Variants in SCML4 observed in about 807,000 individuals in gnomAD.
SCML4 encodes the protein sex comb on midleg-like protein 4.
In SCML4, 34 loss-of-function variants were observed where a neutral mutation model predicts 41.1. That is an observed-to-expected ratio of 0.83 (90% CI 0.63 to 1.10). The LOEUF is 1.10. SCML4 is among the 50% of genes least tolerant of loss of function. The pLI, the probability that SCML4 is intolerant of heterozygous loss-of-function variation, is 0.00. For synonymous variants in SCML4, 214 were observed against 220.9 expected (o/e 0.97, Z 0.28); for missense variants, 522 against 534.1 (o/e 0.98, Z 0.22).
the SCML4 span, among the ~76,000 whole-genome samples, chr6:107,839,385 G>C: frequency 1.3e-4 from 18 of 141,514 alleles, no homozygotes; most frequent in African/African-American, 4.7e-4. Flanking sequence ...AAGAAAGAAA[G>C]AAAGAAAGAA....
At chr6:107,731,032 C>A (rs1016677654) in intron 5 of SCML4, among the ~76,000 whole-genome samples, 3 of 152,132 alleles carry the variant, frequency 2.0e-5, no homozygotes, top group Non-Finnish European at 2.9e-5. Context: ...CCAGGTGCAG[C>A]CCATTTCTGC....
chr6:107,778,223 ATATATATATATATATATATATAT>A lies in SCML4; in HGVS notation c.-59-5860_-59-5838del, dbSNP rs1781179702. On this transcript the variant is annotated intron_variant, in intron 1 of 7. Coordinates refer to ENST00000369020, the MANE Select transcript of SCML4 (RefSeq NM_198081.5). Reference sequence around the variant, plus strand: ...AAAAAAAAAAAAAAAAAAAAAAAAAATATATATATATATATATATATATATATATATATATATATATAACTTGA... The same window carrying A: ...AAAAAAAAAAAAAAAAAAAAAAAAAAATATATATATATATATATAACTTGA... Among the ~76,000 whole-genome samples, 8 of 3,142 alleles carry A rather than the reference ATATATATATATATATATATATAT, an allele frequency of 2.5e-3. 1 individual carries two copies. Among genetic ancestry groups the A allele is most frequent in the African/African-American group, 4.0e-3 (7 of 1,754 alleles). 2.1% of individuals were successfully genotyped at this position (3,142 alleles called of 152,430 possible).
intron 6 of SCML4, chr6:107,720,167 C>G: frequency 1.1e-6 from 1 of 934,880 alleles, no homozygotes; most frequent in Non-Finnish European, 1.3e-6. Context: ...CAGAGCTAAC[C>G]TACAGCTTCC....
chr6:107,791,652 CTTTAAAG>C (rs1224015320), intron 1 of SCML4, among the ~76,000 whole-genome samples: 1 of 152,152 alleles, frequency 6.6e-6, no homozygotes, highest in Admixed American at 6.5e-5. Flanking sequence ...AATTACTGTA[CTTTAAAG>C]TTTAAGGCTT....
chr6:107,815,310 G>A (rs1258424179), intron 1 of SCML4, among the ~76,000 whole-genome samples: 1 of 152,164 alleles, frequency 6.6e-6, no homozygotes, highest in Non-Finnish European at 1.5e-5. Context: ...GTCCCTCAGT[G>A]GATGGAGCAG....
chr6:107,838,183 C>G, the SCML4 span, among the ~76,000 whole-genome samples: 1 of 152,174 alleles, frequency 6.6e-6, no homozygotes, highest in Admixed American at 6.5e-5. Flanking sequence ...TCTGGGATTA[C>G]AGGTGTGAGC....
intron 2 of SCML4, among the ~76,000 whole-genome samples, chr6:107,756,679 T>C (rs894525349): frequency 2.6e-5 from 4 of 152,132 alleles, no homozygotes; most frequent in African/African-American, 9.7e-5. Context: ...ATATGAGATG[T>C]TAAAAATGGG....
chr6:107,736,325 A>G (rs940063170), intron 5 of SCML4, among the ~76,000 whole-genome samples: 1 of 152,230 alleles, frequency 6.6e-6, no homozygotes, highest in Non-Finnish European at 1.5e-5. Context: ...GTGGACATCT[A>G]TTGTGTGCAG....
intron 1 of SCML4, among the ~76,000 whole-genome samples, chr6:107,804,067 GAA>G (rs55853946): frequency 3.0e-3 from 386 of 127,324 alleles, no homozygotes; most frequent in East Asian, 0.012. Flanking sequence ...AAAAGAAAAA[GAA>G]AAAAAAAAAA....
chr6:107,833,744 A>G, the SCML4 span, among the ~76,000 whole-genome samples: 1 of 152,218 alleles, frequency 6.6e-6, no homozygotes, highest in Non-Finnish European at 1.5e-5. Flanking sequence ...AGCAAAACCT[A>G]AAAATTAGAA....
intron 1 of SCML4, among the ~76,000 whole-genome samples, chr6:107,820,669 C>A (rs2114310256): frequency 6.6e-6 from 1 of 152,222 alleles, no homozygotes; most frequent in African/African-American, 2.4e-5. Flanking sequence ...ACGAGTGCAA[C>A]AATGAAAAAC....
chr6:107,720,921 G>A lies in SCML4; in HGVS notation c.755C>T (p.Ala252Val), dbSNP rs760782389. The A allele has an allele frequency of 1.2e-6, 2 of 1,614,202 alleles. No homozygotes were observed. The highest frequency in any genetic ancestry group is 4.5e-5 in the East Asian group (2 of 44,888). Reference protein sequence around the residue: ...GMNRYSVDTSASTFNHRGSLH... With the variant: ...GMNRYSVDTSVSTFNHRGSLH... ...GGAGCCCCTGTGGTTAAAGGTGGAG[G>A]CGGAGGTGTCCACGCTGTAGCGGTT... is the stretch of plus-strand genomic sequence containing the variant. The change falls in exon 6 of 8, where the codon GCC (alanine) becomes GTC (valine). Residue 252 changes from alanine (A) to valine (V), a missense_variant. Transcript: ENST00000369020.
rs1437084685 is a variant in SCML4 at position 107,801,954 on chromosome 6, G to A, written c.-60+22172C>T. On this transcript the variant is annotated intron_variant, in intron 1 of 7. Transcript: ENST00000369020. The stretch of plus-strand genomic sequence containing the variant: ...TAATTTTTTTTTTTTTGTATTTTTA[G>A]TAGAGACAGGGTTTCACCATGTTAG... Among the ~76,000 whole-genome samples the A allele has an allele frequency of 2.7e-5, 4 of 150,308 alleles. No homozygotes were observed. The South Asian group carries it at 8.4e-4, about 32-fold the overall frequency.
rs143233421 is a variant in SCML4, at chr6:107,720,439, A to G, written c.973+264T>C. On this transcript the variant is annotated intron_variant, in intron 6 of 7. Transcript: ENST00000369020. ...CTTTGGCTCTCGAACAAAAATTTCT[A>G]TGGTATTTGAGCCTGTGTACATTTT... The G allele has an allele frequency of 3.5e-6, 4 of 1,142,088 alleles. No homozygotes were observed. The African/African-American group carries it at 4.8e-5, about 14-fold the overall frequency. 70.7% of individuals were successfully genotyped at this position (1,142,088 alleles called of 1,614,324 possible).
At chr6:107,717,327 A>C (rs1774939656) in intron 6 of SCML4, among the ~76,000 whole-genome samples, 1 of 151,654 alleles carries the variant, frequency 6.6e-6, no homozygotes, top group Non-Finnish European at 1.5e-5. Context: ...GGAGAATTAA[A>C]GTGTTAACAG....
At chr6:107,763,626 A>G (rs899589954) in intron 2 of SCML4, among the ~76,000 whole-genome samples, 2 of 152,138 alleles carry the variant, frequency 1.3e-5, no homozygotes, top group Non-Finnish European at 2.9e-5. Context: ...ACCTCAAGTG[A>G]TCTGCCTGCC....
chr6:107,750,888 A>G (rs1190911402), intron 2 of SCML4, among the ~76,000 whole-genome samples: 2 of 152,202 alleles, frequency 1.3e-5, no homozygotes, highest in Non-Finnish European at 2.9e-5. Context: ...CCTATTGTTA[A>G]CATGTGTGCA....
At chr6:107,708,122 G>A in intron 6 of SCML4, 111 bp from the exon 7 acceptor site, 1 of 1,291,980 alleles carries the variant, frequency 7.7e-7, no homozygotes, top group Non-Finnish European at 1.0e-6. Context: ...GTGCCCATGA[G>A]TCCAAGGACC....
chr6:107,822,178 A>G (rs1003086034), intron 1 of SCML4, among the ~76,000 whole-genome samples: 7 of 152,240 alleles, frequency 4.6e-5, no homozygotes, highest in Non-Finnish European at 8.8e-5. Flanking sequence ...GAATTTTTTA[A>G]TAGGAAAGTG....
Sources: allele counts gnomAD v4.1 joint callset (sites outside exome capture counted in the v4.1 genomes callset), GRCh38; gene constraint gnomAD v4.1.1; transcripts MANE v1.5; gene names NCBI Gene and HGNC (gene_info 2026-07-23, HGNC 2026-07-21).